The following KIAA0825 variants were observed in gnomAD, a reference collection of about 807,000 sequenced individuals.
KIAA0825 encodes the protein KIAA0825.
A neutral mutation model predicts 147.6 loss-of-function variants in KIAA0825; 119 were observed. The ratio of observed to expected loss-of-function variants is 0.81; its 90% CI spans 0.69 to 0.94. The LOEUF is 0.94. KIAA0825 is among the 40% of genes least tolerant of loss of function. KIAA0825 has a pLI of 0.00. For missense variants in KIAA0825, 1,381 were observed against 1,472.7 expected (o/e 0.94, Z 1.02); for synonymous variants, 470 against 518.1 (o/e 0.91, Z 1.26).
chr5:94,152,844 AAAAAAAAAAAATTATATAT>A lies in KIAA0825; in HGVS notation c.*1144_*1162del, dbSNP rs1766619772. 3.0e-4 allele frequency: 11 copies of A among 36,280 alleles called. No individual in the cohort carries two copies. Among genetic ancestry groups the A allele is most frequent in the South Asian group, 9.7e-4 (1 of 1,036 alleles). The allele number at this position is 36,280 out of a possible 1,614,324, so 2.2% of individuals were successfully genotyped here. On this transcript the variant is annotated 3_prime_UTR_variant, in exon 21 of 21. Transcript: ENST00000682413. ...ATGAAAAAAAAAAAAAAAAAAAAAA[AAAAAAAAAAAATTATATAT>A]ATATATATATATATATATATATATA...
At chr5:94,322,763 G>T (rs1341963008) in intron 20 of KIAA0825, among the ~76,000 whole-genome samples, 1 of 151,862 alleles carries the variant, frequency 6.6e-6, no homozygotes, top group African/African-American at 2.4e-5. Flanking sequence ...TCAGGTCAAA[G>T]TTGCTAGAAT....
intron 5 of KIAA0825, among the ~76,000 whole-genome samples, chr5:94,514,402 T>C (rs181874733): frequency 5.3e-5 from 8 of 152,272 alleles, no homozygotes; most frequent in Admixed American, 4.6e-4. Flanking sequence ...TCTATTACAG[T>C]TTCGAAATTC....
At chr5:94,470,768 C>T (rs546123057) in intron 9 of KIAA0825, among the ~76,000 whole-genome samples, 23 of 152,106 alleles carry the variant, frequency 1.5e-4, no homozygotes, top group Admixed American at 3.3e-4. Context: ...TCATAACTAA[C>T]GGACTGCAAA....
chr5:94,595,771 A>G (rs1785199307), intron 1 of KIAA0825, among the ~76,000 whole-genome samples: 1 of 152,136 alleles, frequency 6.6e-6, no homozygotes, highest in Admixed American at 6.5e-5. Context: ...TATAAAACTG[A>G]ATGCTTTTAA....
intron 2 of KIAA0825, among the ~76,000 whole-genome samples, chr5:94,571,303 G>C (rs1411637512): frequency 1.3e-5 from 2 of 152,096 alleles, no homozygotes; most frequent in African/African-American, 4.8e-5. Flanking sequence ...CTTTCAAATG[G>C]TTTACTTTGA....
chr5:94,566,472 A>C (rs1489438393), intron 2 of KIAA0825, among the ~76,000 whole-genome samples: 3 of 152,184 alleles, frequency 2.0e-5, no homozygotes, highest in Non-Finnish European at 4.4e-5. Context: ...TTTTAAAAAT[A>C]ATATTCTTTC....
intron 2 of KIAA0825, among the ~76,000 whole-genome samples, chr5:94,550,447 A>C (rs57412880): frequency 0.076 from 11,505 of 152,254 alleles, 482 homozygotes; most frequent in South Asian, 0.11. Flanking sequence ...ATCTTTCTCT[A>C]TGAAAGCTAC....
At chr5:94,527,006 T>TAGAATCAC (rs1769429299) in intron 3 of KIAA0825, among the ~76,000 whole-genome samples, 1 of 152,026 alleles carries the variant, frequency 6.6e-6, no homozygotes, top group Non-Finnish European at 1.5e-5. Flanking sequence ...AGAACATTAG[T>TAGAATCAC]AGAATCACGG....
rs78468355 is a variant in KIAA0825 at position 94,210,457 on chromosome 5, A to G, written c.3711-56333T>C. Among the ~76,000 whole-genome samples, 5 of 152,332 alleles carry G rather than the reference A, an allele frequency of 3.3e-5. No individual in the cohort carries two copies. In the East Asian group the frequency reaches 9.6e-4, roughly 29 times the overall value. On this transcript the variant is annotated intron_variant, in intron 20 of 20. Transcript: ENST00000682413. Reference sequence around the variant, plus strand: ...GGAAGGAAGCAAATGAGGAAATGTAACAGTGAACTCATCAAATGGCTTTAG... The same window carrying G: ...GGAAGGAAGCAAATGAGGAAATGTAGCAGTGAACTCATCAAATGGCTTTAG...
intron 20 of KIAA0825, among the ~76,000 whole-genome samples, chr5:94,374,584 GT>G (rs1349624055): frequency 6.6e-6 from 1 of 152,154 alleles, no homozygotes; most frequent in African/African-American, 2.4e-5. Context: ...CTACCAAGCT[GT>G]TTATAGCCAG....
intron 20 of KIAA0825, among the ~76,000 whole-genome samples, chr5:94,363,190 T>A (rs976715318): frequency 6.7e-6 from 1 of 148,314 alleles, no homozygotes; most frequent in African/African-American, 2.5e-5. Flanking sequence ...TTTTTTTTTT[T>A]AATCTTAGGA....
chr5:94,515,707 G>A (rs1391544792), intron 5 of KIAA0825, among the ~76,000 whole-genome samples: 1 of 151,120 alleles, frequency 6.6e-6, no homozygotes, highest in Non-Finnish European at 1.5e-5. Context: ...CAAGAGAATC[G>A]CTTGAACCCA....
At chr5:94,258,235 G>A (rs924541539) in intron 20 of KIAA0825, among the ~76,000 whole-genome samples, 1 of 151,926 alleles carries the variant, frequency 6.6e-6, no homozygotes, top group Non-Finnish European at 1.5e-5. Flanking sequence ...AAGAGGAAGG[G>A]TATTGGTGGA....
At chr5:94,417,801 T>C (rs1753665352) in intron 14 of KIAA0825, among the ~76,000 whole-genome samples, 1 of 152,232 alleles carries the variant, frequency 6.6e-6, no homozygotes, top group Non-Finnish European at 1.5e-5. Context: ...ATTCACATTT[T>C]TAGTTTTTCC....
chr5:94,241,203 C>A (rs1476772966), intron 20 of KIAA0825, among the ~76,000 whole-genome samples: 1 of 152,194 alleles, frequency 6.6e-6, no homozygotes, highest in Non-Finnish European at 1.5e-5. Flanking sequence ...CAATCTATCT[C>A]ATTTGGCCCT....
At chr5:94,462,242 T>A in intron 12 of KIAA0825, 145 bp downstream of exon 12, 2 of 481,062 alleles carry the variant, frequency 4.2e-6, no homozygotes, top group Non-Finnish European at 7.3e-6. Flanking sequence ...GTTAGTTTTA[T>A]AAAATGGCCT....
intron 1 of KIAA0825, among the ~76,000 whole-genome samples, chr5:94,608,866 T>A (rs963029273): frequency 6.6e-6 from 1 of 152,046 alleles, no homozygotes. Flanking sequence ...TATTAACTAA[T>A]GGGAATTTTT....
intron 16 of KIAA0825, 137 bp downstream of exon 16, chr5:94,403,432 G>A: frequency 1.6e-6 from 1 of 626,542 alleles, no homozygotes; most frequent in South Asian, 2.1e-5. Flanking sequence ...ATAAAAATAA[G>A]GGTCGCACAT....
intron 20 of KIAA0825, among the ~76,000 whole-genome samples, chr5:94,155,738 G>C (rs1766982919): frequency 1.3e-5 from 2 of 152,260 alleles, no homozygotes; most frequent in African/African-American, 2.4e-5. Flanking sequence ...TCTAAAAACT[G>C]CTATTTTTGG....
Sources: gnomAD v4.1 joint callset for allele counts (sites outside exome capture counted in the v4.1 genomes callset) on GRCh38, gnomAD v4.1.1 for gene constraint, MANE v1.5 for transcripts, NCBI Gene and HGNC (gene_info 2026-07-23, HGNC 2026-07-21) for gene names.